The following PCSK5 variants were observed in gnomAD, a reference collection of about 807,000 sequenced individuals.
The protein encoded by PCSK5 is prohormone convertase 5.
A neutral mutation model predicts 233.2 loss-of-function variants in PCSK5; 129 were observed. That is an observed-to-expected ratio of 0.55 (90% CI 0.48 to 0.64). The LOEUF (loss-of-function observed/expected upper bound fraction) is 0.64, where lower values mean the gene tolerates loss of function less well. Among genes scored for constraint, PCSK5 ranks in the 30% least tolerant of loss-of-function variants. The probability of loss-of-function intolerance (pLI) is 0.00; values close to 1 mark genes in which losing one functional copy is unlikely to be tolerated. For missense variants in PCSK5, 2,076 were observed against 2,430.1 expected (o/e 0.85, Z 3.06); for synonymous variants, 825 against 879.2 (o/e 0.94, Z 1.09).
chr9:75,915,040 C>T (rs1822921584), intron 1 of PCSK5, among the ~76,000 whole-genome samples: 1 of 152,162 alleles, frequency 6.6e-6, no homozygotes, highest in South Asian at 2.1e-4. Context: ...ATTGATTGAA[C>T]GGCTAAAGCA....
At chr9:76,061,609 T>C (rs1413915398) in intron 5 of PCSK5, among the ~76,000 whole-genome samples, 1 of 152,168 alleles carries the variant, frequency 6.6e-6, no homozygotes, top group Non-Finnish European at 1.5e-5. Context: ...TGGGGGAAAA[T>C]TAATAGTTGA....
chr9:76,006,037 A>AT (rs1387687916), intron 3 of PCSK5, among the ~76,000 whole-genome samples: 4 of 146,148 alleles, frequency 2.7e-5, no homozygotes, highest in Non-Finnish European at 6.0e-5. Flanking sequence ...TTTTTTTTTA[A>AT]TTTTTTTCTA....
intron 36 of PCSK5, among the ~76,000 whole-genome samples, chr9:76,352,720 C>T (rs1027172361): frequency 3.9e-5 from 6 of 152,074 alleles, no homozygotes; most frequent in Non-Finnish European, 8.8e-5. Flanking sequence ...AAGTAAATCT[C>T]CCCATGATGA....
intron 1 of PCSK5, among the ~76,000 whole-genome samples, chr9:75,914,495 A>G (rs191585325): frequency 1.3e-5 from 2 of 152,196 alleles, no homozygotes; most frequent in Non-Finnish European, 2.9e-5. Context: ...AGATGACCCA[A>G]TGACCTAAAA....
intron 24 of PCSK5, among the ~76,000 whole-genome samples, chr9:76,244,706 T>C (rs1483174529): frequency 1.3e-5 from 2 of 152,074 alleles, no homozygotes; most frequent in African/African-American, 4.8e-5. Context: ...CCTAGCTATC[T>C]GTTATTCCAA....
intron 24 of PCSK5, chr9:76,287,041 G>T: frequency 6.0e-6 from 1 of 165,504 alleles, no homozygotes; most frequent in Non-Finnish European, 1.3e-5. Context: ...TCTCAGTAAT[G>T]GTATCACCCG....
chr9:76,353,994 C>G, intron 36 of PCSK5, 39 bp from the exon 37 acceptor site: 1 of 1,505,178 alleles, frequency 6.6e-7, no homozygotes, highest in Non-Finnish European at 9.1e-7. Context: ...TTGTTAATCC[C>G]TTTACACTCA....
Position 75,973,300 on chromosome 9 carries a change from T to A in PCSK5, c.298-12832T>A, listed in dbSNP as rs185145515. Among the ~76,000 whole-genome samples the A allele has an allele frequency of 1.1e-3, 164 of 152,292 alleles. 5 individuals are homozygous for A. The highest frequency in any genetic ancestry group is 6.8e-3 in the Middle Eastern group (2 of 294). On this transcript the variant is annotated intron_variant, in intron 2 of 37. Transcript: ENST00000674117. The stretch of plus-strand genomic sequence containing the variant: ...GCCTTAGCTTTGTGACAAAACTTCA[T>A]TGGTCTGTCATAAACCTAGGTCCAG...
chr9:76,331,101 C>T (rs553456748), intron 33 of PCSK5, among the ~76,000 whole-genome samples: 1 of 152,116 alleles, frequency 6.6e-6, no homozygotes, highest in Non-Finnish European at 1.5e-5. Context: ...ATTTGCTCAG[C>T]CTGGTATCCT....
At chr9:76,303,662 A>G (rs1828686995) in intron 28 of PCSK5, among the ~76,000 whole-genome samples, 1 of 152,162 alleles carries the variant, frequency 6.6e-6, no homozygotes, top group Non-Finnish European at 1.5e-5. Context: ...TAGCAACAGG[A>G]TTGTTGCTTG....
rs149256756 is a variant in PCSK5 at position 76,073,398 on chromosome 9, A to G, written c.894+1500A>G. On this transcript the variant is annotated intron_variant, in intron 7 of 37. Coordinates refer to ENST00000674117, the MANE Select transcript of PCSK5 (RefSeq NM_001372043.1). ...ATTCACTTTTTTTAGCTCTTTGTCA[A>G]TTTTCAGCTTCCTATATTAGAGTCT... Among the ~76,000 whole-genome samples the G allele has an allele frequency of 8.7e-3, 1,318 of 152,244 alleles. 14 individuals are homozygous for G. Among genetic ancestry groups the G allele is most frequent in the African/African-American group, 0.03 (1,241 of 41,542 alleles).
Position 76,067,991 on chromosome 9 carries a change from T to C in PCSK5, c.669T>C (p.Ala223=). ...GTRCAGEVAA[A]ANNSHCTVGI... is the part of the protein sequence containing the mutation. ...GCTGTGCTGGAGAAGTGGCAGCCGC[T>C]GCAAACAATTCGCACTGCACAGTCG... Residue 223 remains alanine, a synonymous_variant, in exon 6 of 38, where the codon GCT becomes GCC. Transcript: ENST00000674117. 1.2e-6 allele frequency: 2 copies of C among 1,614,082 alleles called. No individual in the cohort carries two copies. The highest frequency in any genetic ancestry group is 1.7e-6 in the Non-Finnish European group (2 of 1,179,950).
chr9:76,060,404 A>G (rs1829984833), intron 5 of PCSK5, among the ~76,000 whole-genome samples: 1 of 152,348 alleles, frequency 6.6e-6, no homozygotes, highest in East Asian at 1.9e-4. Context: ...AGTATTCATT[A>G]AGTGGAAATG....
At chr9:76,162,367 C>G (rs1822899191) in intron 12 of PCSK5, among the ~76,000 whole-genome samples, 1 of 152,164 alleles carries the variant, frequency 6.6e-6, no homozygotes, top group African/African-American at 2.4e-5. Flanking sequence ...AGTCTCTGAC[C>G]TAGTGGCAAG....
At position 76,169,751 on chromosome 9, in the gene PCSK5, C is replaced by A; in HGVS notation, c.1667C>A (p.Thr556Asn). 1 of 1,613,148 alleles carries A rather than the reference C, an allele frequency of 6.2e-7. No individual in the cohort carries two copies. Among genetic ancestry groups the A allele is most frequent in the Non-Finnish European group, 8.5e-7 (1 of 1,179,196 alleles). Reference sequence around the variant, plus strand: ...GGATTCAAAAACTGGGAGTTCATGACCATTCATTGCTGGGGAGAAAGAGCT... The same window carrying A: ...GGATTCAAAAACTGGGAGTTCATGAACATTCATTGCTGGGGAGAAAGAGCT... ...MEGFKNWEFM[T>N]IHCWGERAAG... Residue 556 changes from threonine to asparagine, a missense_variant, in exon 13 of 38, where the codon ACC becomes AAC. Physicochemically the swap from Thr to Asn is moderately conservative, Grantham distance 65. Coordinates refer to ENST00000674117, the MANE Select transcript of PCSK5 (RefSeq NM_001372043.1).
chr9:76,031,166 T>C (rs779897969), intron 5 of PCSK5, among the ~76,000 whole-genome samples: 3 of 152,192 alleles, frequency 2.0e-5, no homozygotes, highest in Non-Finnish European at 4.4e-5. Flanking sequence ...CCCTCTTTGC[T>C]CATTAGACCA....
At chr9:76,193,172 C>CATGTGTGTACA (rs1824497344) in intron 20 of PCSK5, 4 of 1,427,042 alleles carry the variant, frequency 2.8e-6, no homozygotes, top group Non-Finnish European at 3.9e-6. Flanking sequence ...AACCTTCTTC[C>CATGTGTGTACA]ATGTGTGTAC....
chr9:76,026,736 TAG>T (rs1451322144), intron 4 of PCSK5, among the ~76,000 whole-genome samples: 1 of 152,110 alleles, frequency 6.6e-6, no homozygotes, highest in Non-Finnish European at 1.5e-5. Context: ...TTGGTCTGTG[TAG>T]AGTTCTTCTT....
chr9:76,227,143 GA>G (rs1825920872), intron 20 of PCSK5, among the ~76,000 whole-genome samples: 1 of 152,148 alleles, frequency 6.6e-6, no homozygotes, highest in African/African-American at 2.4e-5. Context: ...GCCCTCTGTG[GA>G]CCAGGAGACC....
Sources: allele counts gnomAD v4.1 joint callset (sites outside exome capture counted in the v4.1 genomes callset), GRCh38; gene constraint gnomAD v4.1.1; transcripts MANE v1.5; gene names NCBI Gene and HGNC (gene_info 2026-07-23, HGNC 2026-07-21).